Variants in CSGALNACT1 observed in about 807,000 individuals in gnomAD.
CSGALNACT1 encodes chondroitin sulfate N-acetylgalactosaminyltransferase 1.
Under a neutral mutation model 51.0 loss-of-function variants are expected in CSGALNACT1, and 52 were observed. The ratio of observed to expected loss-of-function variants is 1.02; its 90% confidence interval spans 0.82 to 1.29. CSGALNACT1 has a LOEUF of 1.29. Ranked by LOEUF, CSGALNACT1 falls within the 50% of genes most tolerant of loss-of-function variation. The probability of loss-of-function intolerance (pLI) is 0.00; values close to 1 mark genes in which losing one functional copy is unlikely to be tolerated. For missense variants in CSGALNACT1, 935 were observed against 679.2 expected, an observed-to-expected ratio of 1.38 and a Z score of -4.19; for synonymous variants, 341 against 254.4, an observed-to-expected ratio of 1.34 and a Z score of -3.24.
At chr8:19,610,946 C>T (rs1160880616) in intron 1 of CSGALNACT1, among the ~76,000 whole-genome samples, 2 of 152,230 alleles carry the variant, frequency 1.3e-5, no homozygotes, top group Non-Finnish European at 2.9e-5. Context: ...CAACGTCCAC[C>T]CCGAGACGTG....
At chr8:19,559,015 C>T (rs6986805) in intron 3 of CSGALNACT1, among the ~76,000 whole-genome samples, 49,631 of 151,942 alleles carry the variant, frequency 0.33, 10,194 homozygotes, top group African/African-American at 0.59. Context: ...CATAGGTAAA[C>T]AGTTCTATTT....
chr8:19,486,759 C>T lies in CSGALNACT1; in HGVS notation c.634+18442G>A, dbSNP rs139250062. ...TTGATTGTTCCTCTAAAGGGAATCC[C>T]CTTTACTCAGCTATGGAATTTGCTT... On this transcript the variant is annotated intron_variant, in intron 4 of 9. Coordinates refer to ENST00000454498, the Ensembl canonical transcript of CSGALNACT1. Among the ~76,000 whole-genome samples the T allele has an allele frequency of 2.4e-3, 368 of 152,234 alleles. 2 individuals carry two copies. Among genetic ancestry groups the T allele is most frequent in the Non-Finnish European group, 3.2e-3 (219 of 68,016 alleles).
chr8:19,671,181 G>C (rs752630012), intron 1 of CSGALNACT1, among the ~76,000 whole-genome samples: 5 of 152,124 alleles, frequency 3.3e-5, no homozygotes, highest in African/African-American at 4.8e-5. Context: ...GAATAGAAAA[G>C]GCAAGGACAG....
intron 6 of CSGALNACT1, among the ~76,000 whole-genome samples, chr8:19,430,479 C>A (rs1450452959): frequency 6.6e-6 from 1 of 152,190 alleles, no homozygotes; most frequent in African/African-American, 2.4e-5. Flanking sequence ...TTCTTTCCCC[C>A]ATATGATGAT....
At chr8:19,426,692 G>T (rs1428194290) in intron 6 of CSGALNACT1, among the ~76,000 whole-genome samples, 2 of 152,014 alleles carry the variant, frequency 1.3e-5, no homozygotes, top group Non-Finnish European at 2.9e-5. Context: ...TCTGGTGCAC[G>T]GAGACTCCTC....
chr8:19,545,595 C>T (rs533223144), intron 3 of CSGALNACT1, among the ~76,000 whole-genome samples: 6 of 151,802 alleles, frequency 4.0e-5, no homozygotes, highest in Non-Finnish European at 8.8e-5. Context: ...ACATAATATG[C>T]ATTCAATAAA....
intron 1 of CSGALNACT1, among the ~76,000 whole-genome samples, chr8:19,611,824 T>C (rs1010848160): frequency 2.6e-5 from 4 of 152,020 alleles, no homozygotes; most frequent in African/African-American, 9.7e-5. Context: ...AGGGGAATTA[T>C]GGGAGGAAAA....
intron 1 of CSGALNACT1, among the ~76,000 whole-genome samples, chr8:19,607,733 A>G (rs1329981989): frequency 6.6e-6 from 1 of 152,204 alleles, no homozygotes; most frequent in Non-Finnish European, 1.5e-5. Context: ...AGTTACTGTG[A>G]GATCTTAGGC....
At chr8:19,542,851 G>A (rs1173450725) in intron 3 of CSGALNACT1, among the ~76,000 whole-genome samples, 1 of 152,098 alleles carries the variant, frequency 6.6e-6, no homozygotes, top group East Asian at 1.9e-4. Flanking sequence ...TTTTATGAAA[G>A]TAACATTGTA....
At chr8:19,473,461 C>T (rs1340956857) in intron 4 of CSGALNACT1, among the ~76,000 whole-genome samples, 1 of 152,208 alleles carries the variant, frequency 6.6e-6, no homozygotes, top group African/African-American at 2.4e-5. Flanking sequence ...TTCCCAGACA[C>T]ACAGAGTCTC....
intron 6 of CSGALNACT1, among the ~76,000 whole-genome samples, chr8:19,435,144 T>A (rs569163475): frequency 6.6e-6 from 1 of 152,300 alleles, no homozygotes; most frequent in African/African-American, 2.4e-5. Context: ...GAACTTGTAA[T>A]GTAGTAAATG....
chr8:19,624,452 A>C (rs970405022), intron 1 of CSGALNACT1, among the ~76,000 whole-genome samples: 3 of 152,236 alleles, frequency 2.0e-5, no homozygotes, highest in Non-Finnish European at 4.4e-5. Flanking sequence ...ATAATATTCA[A>C]AAGATAATTT....
At chr8:19,694,766 T>A (rs567034767) in intron 1 of CSGALNACT1, among the ~76,000 whole-genome samples, 109 of 152,274 alleles carry the variant, frequency 7.2e-4, no homozygotes, top group Non-Finnish European at 1.1e-3. Context: ...CTTAAGGAAA[T>A]GCAGGCAGCT....
chr8:19,488,698 G>C (rs2073670129), intron 4 of CSGALNACT1, among the ~76,000 whole-genome samples: 3 of 152,026 alleles, frequency 2.0e-5, no homozygotes, highest in Admixed American at 1.3e-4. Flanking sequence ...TATTGGGCCA[G>C]GCACTGCTAT....
At chr8:19,729,732 T>C (rs1202019661) in intron 1 of CSGALNACT1, among the ~76,000 whole-genome samples, 1 of 152,172 alleles carries the variant, frequency 6.6e-6, no homozygotes, top group Non-Finnish European at 1.5e-5. Flanking sequence ...GCCACAAGAA[T>C]GCCCTTCCCC....
chr8:19,618,729 G>A (rs1464986280), intron 1 of CSGALNACT1, among the ~76,000 whole-genome samples: 1 of 151,024 alleles, frequency 6.6e-6, no homozygotes, highest in East Asian at 1.9e-4. Flanking sequence ...GCTTCTCCCT[G>A]TCCTAGAAAC....
At chr8:19,632,437 T>C (rs2975419) in intron 1 of CSGALNACT1, among the ~76,000 whole-genome samples, 66,746 of 152,164 alleles carry the variant, frequency 0.44, 15,993 homozygotes, top group Non-Finnish European at 0.55. Context: ...GCCTAGAAAG[T>C]CTTCCAAACC....
chr8:19,418,566 T>A, intron 8 of CSGALNACT1, 90 bp downstream of exon 7: 1 of 857,776 alleles, frequency 1.2e-6, no homozygotes, highest in South Asian at 1.4e-5. Flanking sequence ...TGCACAGATT[T>A]CTACTCACCT....
At chr8:19,491,638 T>C (rs1382220423) in intron 4 of CSGALNACT1, among the ~76,000 whole-genome samples, 1 of 152,258 alleles carries the variant, frequency 6.6e-6, no homozygotes. Flanking sequence ...GATCCGTTCA[T>C]CTTTTGCTCA....
Sources: gnomAD v4.1 joint callset for allele counts (sites outside exome capture counted in the v4.1 genomes callset) on GRCh38, gnomAD v4.1.1 for gene constraint, MANE v1.5 for transcripts, NCBI Gene and HGNC (gene_info 2026-07-23, HGNC 2026-07-21) for gene names.